Variants in LRP2 observed in about 807,000 individuals in gnomAD.
The protein encoded by LRP2 is low-density lipoprotein receptor-related protein 2.
In LRP2, 172 loss-of-function variants were observed where a neutral mutation model predicts 531.0. That is an observed-to-expected ratio of 0.32 (90% confidence interval 0.29 to 0.37). LRP2 has a LOEUF of 0.37. Among genes scored for constraint, LRP2 ranks in the 10% least tolerant of loss-of-function variants. LRP2 has a pLI of 1.00. For synonymous variants in LRP2, 1,992 were observed against 2,027.6 expected, an observed-to-expected ratio of 0.98 and a Z score of 0.47; for missense variants, 5,167 against 5,868.3, an observed-to-expected ratio of 0.88 and a Z score of 3.90.
At chr2:169,297,065 G>A (rs1684151026) in intron 4 of LRP2, among the ~76,000 whole-genome samples, 1 of 152,138 alleles carries the variant, frequency 6.6e-6, no homozygotes, top group African/African-American at 2.4e-5. Context: ...ATTGCACAGA[G>A]CTCCCTAACT....
chr2:169,279,613 A>C lies in LRP2; in HGVS notation c.1342-18T>G. 6.7e-7 allele frequency: 1 copy of C among 1,482,306 alleles called. No homozygotes were observed. The highest frequency in any genetic ancestry group is 9.4e-7 in the Non-Finnish European group (1 of 1,061,436). 91.8% of individuals were successfully genotyped at this position (1,482,306 alleles called of 1,614,324 possible). ...GAAAAAACCTGAAAGAAAAACCAAA[A>C]TTATTATATTTCTTCAGCATCACTA... On this transcript the variant is annotated intron_variant, in intron 11 of 78. Coordinates refer to ENST00000649046, the MANE Select transcript of LRP2 (RefSeq NM_004525.3).
At chr2:169,277,193 CAAA>C (rs5836227) in intron 13 of LRP2, among the ~76,000 whole-genome samples, 3 of 88,128 alleles carry the variant, frequency 3.4e-5, no homozygotes, top group Non-Finnish European at 4.5e-5. Context: ...GACTCCATCT[CAAA>C]AAAAAAAAAA....
chr2:169,140,503 A>C lies in LRP2; in HGVS notation c.13151T>G (p.Met4384Arg). Reference protein sequence around the residue: ...PINLPPPCRCMHGGNCYFDET... With the variant: ...PINLPPPCRCRHGGNCYFDET... The stretch of plus-strand genomic sequence containing the variant: ...ATCAAAATAGCAATTTCCTCCGTGC[A>C]TGCACCTGCATGGGGGGGGCAGGTT... Residue 4384 changes from methionine to arginine, a missense_variant, in exon 72 of 79, where the codon ATG (methionine) becomes AGG (arginine). This residue lies in a region of LRP2 where 348 missense variants were observed against 369.3 expected (regional missense o/e 0.94). Transcript: ENST00000649046. 1.2e-6 allele frequency: 2 copies of C among 1,614,128 alleles called. No individual in the cohort carries two copies. Among genetic ancestry groups the C allele is most frequent in the Non-Finnish European group, 1.7e-6 (2 of 1,180,006 alleles).
chr2:169,236,154 T>C, intron 28 of LRP2, 86 bp from the exon 29 acceptor site: 1 of 957,988 alleles, frequency 1.0e-6, no homozygotes, highest in Non-Finnish European at 1.6e-6. Context: ...AACATCCTGT[T>C]TATGCCCTGC....
chr2:169,137,161 G>A (rs1022241663), intron 76 of LRP2, among the ~76,000 whole-genome samples: 2 of 152,348 alleles, frequency 1.3e-5, no homozygotes, highest in South Asian at 2.1e-4. Flanking sequence ...CAGCAGCCCC[G>A]GCATGGCTGC....
intron 47 of LRP2, among the ~76,000 whole-genome samples, chr2:169,192,625 T>C (rs1335679202): frequency 6.6e-6 from 1 of 151,990 alleles, no homozygotes; most frequent in Non-Finnish European, 1.5e-5. Context: ...GCTAACAGAG[T>C]TGTCAGAAAC....
At chr2:169,279,277 A>G in intron 12 of LRP2, 95 bp downstream of exon 12, 1 of 919,444 alleles carries the variant, frequency 1.1e-6, no homozygotes, top group East Asian at 2.5e-5. Context: ...AAGAAATCAG[A>G]ATGAGCCTTT....
chr2:169,310,467 T>A (rs1370856175), intron 3 of LRP2, among the ~76,000 whole-genome samples: 1 of 152,162 alleles, frequency 6.6e-6, no homozygotes, highest in African/African-American at 2.4e-5. Flanking sequence ...ATCATGTGGT[T>A]TTTGTCTTTG....
intron 16 of LRP2, among the ~76,000 whole-genome samples, chr2:169,263,344 C>T (rs1445185165): frequency 6.6e-6 from 1 of 151,946 alleles, no homozygotes; most frequent in African/African-American, 2.4e-5. Flanking sequence ...GCAACCTACT[C>T]ATCTGACAAA....
At chr2:169,225,558 G>T in intron 32 of LRP2, 105 bp from the exon 33 acceptor site, 1 of 1,315,870 alleles carries the variant, frequency 7.6e-7, no homozygotes, top group South Asian at 1.2e-5. Context: ...TTCTTGAACA[G>T]TCCTTACACT....
At chr2:169,266,883 C>CT (rs56044761) in intron 16 of LRP2, among the ~76,000 whole-genome samples, 31 of 96,246 alleles carry the variant, frequency 3.2e-4, no homozygotes, top group African/African-American at 1.1e-3. Flanking sequence ...CGTTTGTAAC[C>CT]TTTTTTTTTT....
chr2:169,353,206 T>G (rs938343822), intron 1 of LRP2, among the ~76,000 whole-genome samples: 11 of 152,142 alleles, frequency 7.2e-5, no homozygotes, highest in Non-Finnish European at 8.8e-5. Flanking sequence ...ATTCTAACAA[T>G]CTGTAAGTTA....
chr2:169,306,835 T>C (rs377631846), intron 4 of LRP2, among the ~76,000 whole-genome samples: 1 of 152,228 alleles, frequency 6.6e-6, no homozygotes, highest in Non-Finnish European at 1.5e-5. Flanking sequence ...GCTGCTGTTA[T>C]AGGAAAAGAC....
In LRP2 at chr2:169,320,785, A is replaced by G; in HGVS notation, c.179T>C (p.Ile60Thr). Residue 60 changes from isoleucine (I) to threonine (T), a missense_variant, in exon 2 of 79, where the codon ATT (isoleucine) becomes ACT (threonine). By Grantham distance (89) the Ile-to-Thr change is moderately conservative (BLOSUM62 -1). Transcript: ENST00000649046. ...TKDCSDDADE[I>T]GCAVVTCQQG... The stretch of plus-strand genomic sequence containing the variant: ...GGCCCCTCCTCACTTACCGCAGCCA[A>G]TTTCATCCGCGTCATCTGAACAGTC... 2.5e-6 allele frequency: 4 copies of G among 1,613,974 alleles called. No homozygotes were observed. The highest frequency in any genetic ancestry group is 3.4e-6 in the Non-Finnish European group (4 of 1,179,916).
intron 14 of LRP2, among the ~76,000 whole-genome samples, chr2:169,274,624 G>A (rs562231096): frequency 2.0e-5 from 3 of 152,184 alleles, no homozygotes; most frequent in East Asian, 1.9e-4. Flanking sequence ...TGATGCTACC[G>A]AAAATGGACA....
chr2:169,261,979 G>A (rs830984), intron 16 of LRP2, among the ~76,000 whole-genome samples: 139,603 of 149,210 alleles, frequency 0.94, 66,011 homozygotes, highest in East Asian at 1. Context: ...TATAAACAGA[G>A]CCAAAGACAA....
intron 60 of LRP2, 67 bp downstream of exon 60, chr2:169,169,635 C>T: frequency 1.6e-6 from 2 of 1,214,582 alleles, no homozygotes; most frequent in South Asian, 2.4e-5. Context: ...CGGCAGCGGA[C>T]TGATGTCTAA....
chr2:169,267,443 C>T (rs1574200458), intron 16 of LRP2, among the ~76,000 whole-genome samples: 1 of 152,044 alleles, frequency 6.6e-6, no homozygotes, highest in African/African-American at 2.4e-5. Context: ...AACTCAGGAT[C>T]CAGAAACTCA....
chr2:169,130,446 C>G (rs1020283336), intron 77 of LRP2, among the ~76,000 whole-genome samples: 4 of 152,134 alleles, frequency 2.6e-5, no homozygotes, highest in Non-Finnish European at 5.9e-5. Flanking sequence ...TGCCACCACA[C>G]TCAGCTAATT....
Sources: allele counts gnomAD v4.1 joint callset (sites outside exome capture counted in the v4.1 genomes callset), GRCh38; gene constraint gnomAD v4.1.1; regional missense constraint gnomAD v4.1.1; transcripts MANE v1.5; gene names NCBI Gene and HGNC (gene_info 2026-07-23, HGNC 2026-07-21).